The following YJU2B variants were observed in gnomAD, a reference collection of about 807,000 sequenced individuals.
The protein encoded by YJU2B is YJU2 splicing factor homolog B.
Under a neutral mutation model 38.0 loss-of-function variants are expected in YJU2B, and 18 were observed. That is an observed-to-expected ratio of 0.47 (90% CI 0.33 to 0.70). The LOEUF (loss-of-function observed/expected upper bound fraction) is 0.70, where lower values mean the gene tolerates loss of function less well. YJU2B is among the 30% of genes least tolerant of loss of function. The pLI is 0.02. For synonymous variants in YJU2B, 246 were observed against 225.4 expected (o/e 1.09, Z -0.82); for missense variants, 538 against 556.3 (o/e 0.97, Z 0.33).
chr19:13,751,557 G>A, intron 1 of YJU2B, 51 bp from the exon 2 acceptor site: 5 of 524,752 alleles, frequency 9.5e-6, no homozygotes, highest in South Asian at 2.6e-5. Flanking sequence ...AGTGTCAGAT[G>A]TGATGCGTAT....
At chr19:13,743,293 A>T (rs2145098950), upstream of YJU2B, among the ~76,000 whole-genome samples, 1 of 152,360 alleles carries the variant, frequency 6.6e-6, no homozygotes, top group South Asian at 2.1e-4. Context: ...AGATTTAAAC[A>T]TCTAGGCAGG....
upstream of YJU2B, among the ~76,000 whole-genome samples, chr19:13,746,906 C>T (rs1477929974): frequency 7.0e-6 from 1 of 142,324 alleles, no homozygotes; most frequent in African/African-American, 2.6e-5. Flanking sequence ...GACTCCCTCT[C>T]AAAAAAAAAA....
intron 4 of YJU2B, among the ~76,000 whole-genome samples, chr19:13,757,089 C>T (rs1010579682): frequency 2.6e-5 from 4 of 151,872 alleles, no homozygotes; most frequent in Non-Finnish European, 4.4e-5. Flanking sequence ...TGCAGTGAGC[C>T]AGGATCGCAC....
rs760550949 is a variant in YJU2B, at chr19:13,762,954, G to A, written c.1077G>A (p.Lys359=). 1 of 1,611,966 alleles carries A rather than the reference G, an allele frequency of 6.2e-7. No homozygotes were observed. The highest frequency in any genetic ancestry group is 8.5e-7 in the Non-Finnish European group (1 of 1,179,674). ...GGCAGGAAGGGAGCCGTCAGGACAA[G>A]CCCCTGTCGCCAGCAGGCTCCTCCC... ...PRGQEGSRQD[K]PLSPAGSSQE... The change falls in exon 10 of 10, where the codon AAG becomes AAA. Residue 359 remains lysine (K), a synonymous_variant. Coordinates refer to ENST00000221554, the MANE Select transcript of YJU2B (RefSeq NM_030818.4).
chr19:13,759,647 CAGT>C (rs1421102949), intron 8 of YJU2B: 1 of 152,496 alleles, frequency 6.6e-6, no homozygotes, highest in Non-Finnish European at 1.4e-5. Context: ...TGTTTTGAGA[CAGT>C]AGTCATCTCG....
intron 2 of YJU2B, chr19:13,732,470 G>A (rs1371818061): frequency 6.6e-6 from 1 of 151,854 alleles, no homozygotes; most frequent in Non-Finnish European, 1.5e-5. Context: ...TGACAGGCCT[G>A]GTGGCCCAAG....
intron 6 of YJU2B, among the ~76,000 whole-genome samples, chr19:13,758,428 A>C (rs902786654): frequency 7.2e-5 from 11 of 152,210 alleles, no homozygotes; most frequent in Admixed American, 7.2e-4. Flanking sequence ...TTGTTGAATA[A>C]ATGAACTAGT....
At chr19:13,754,952 G>C (rs1973607095) in intron 3 of YJU2B, among the ~76,000 whole-genome samples, 1 of 152,094 alleles carries the variant, frequency 6.6e-6, no homozygotes, top group African/African-American at 2.4e-5. Flanking sequence ...CTCGTCCTGA[G>C]TATAGGATTT....
chr19:13,740,352 C>A lies in YJU2B; in HGVS notation c.-202+8067C>A, dbSNP rs1019948435. Among the ~76,000 whole-genome samples the A allele has an allele frequency of 2.6e-5, 4 of 152,008 alleles. No individual in the cohort carries two copies. In the East Asian group the frequency reaches 7.7e-4, roughly 29 times the overall value. ...TCAGCCTCTTGAGTAGCTTGGACTA[C>A]AGGCACGTGCCACTATGCCTGGCTA... On this transcript the variant is annotated intron_variant, in intron 2 of 10. Transcript: ENST00000586600.
At chr19:13,734,074 T>C (rs1367678078) in intron 2 of YJU2B, among the ~76,000 whole-genome samples, 2 of 152,052 alleles carry the variant, frequency 1.3e-5, no homozygotes, top group African/African-American at 4.8e-5. Context: ...ACTATAGGCA[T>C]GCACCACCCT....
rs1361255717 is a variant in YJU2B at position 13,758,901 on chromosome 19, C to T, written c.291C>T (p.Tyr97=). ...TGAAATGCCACCTCTGTGTCAACTA[C>T]ATCGAGATGCAGACGGACCCCGCCA... ...FRMKCHLCVN[Y]IEMQTDPANC... is the part of the protein sequence containing the mutation. The change falls in exon 7 of 10, where the codon TAC becomes TAT. Residue 97 remains tyrosine, a synonymous_variant. Coordinates refer to ENST00000221554, the MANE Select transcript of YJU2B (RefSeq NM_030818.4). 6.2e-7 allele frequency: 1 copy of T among 1,613,860 alleles called. No individual in the cohort carries two copies.
At position 13,762,757 on chromosome 19, in the gene YJU2B, G is replaced by C; in HGVS notation, c.880G>C (p.Gly294Arg). The C allele has an allele frequency of 6.2e-7, 1 of 1,607,056 alleles. No individual in the cohort carries two copies. The highest frequency in any genetic ancestry group is 8.5e-7 in the Non-Finnish European group (1 of 1,178,184). ...CTCCCCCATCACCGTCGGGGACCTGGGCATCGTGCGGCGGAGGTCTCGGGA... is the reference window on the plus strand; with the variant it reads ...CTCCCCCATCACCGTCGGGGACCTGCGCATCGTGCGGCGGAGGTCTCGGGA... ...ATSPITVGDL[G>R]IVRRRSRDVP... is the part of the protein sequence containing the mutation. Residue 294 changes from glycine to arginine, a missense_variant, in exon 10 of 10, where the codon GGC (glycine) becomes CGC (arginine). Gly to Arg is a moderately radical substitution (Grantham distance 125). This residue lies in a region of YJU2B where 488 missense variants were observed against 469.5 expected (regional missense o/e 1.04). Transcript: ENST00000221554.
rs533066750 is a variant in YJU2B at position 13,735,781 on chromosome 19, G to A, written c.-202+3496G>A. 4.6e-5 allele frequency among the ~76,000 whole-genome samples: 7 copies of A among 152,226 alleles called. No homozygotes were observed. The East Asian group carries it at 7.7e-4, about 17-fold the overall frequency. On this transcript the variant is annotated intron_variant, in intron 2 of 10. Coordinates refer to the YJU2B transcript ENST00000586600. ...AAACTGGCCTCTTGCGGCCGGGTGC[G>A]GTGGCTCACGCCTGTAATCCCAGCA...
intron 2 of YJU2B, among the ~76,000 whole-genome samples, chr19:13,753,870 CG>C (rs1973565086): frequency 6.6e-6 from 1 of 151,942 alleles, no homozygotes; most frequent in Non-Finnish European, 1.5e-5. Flanking sequence ...TCCCATGACA[CG>C]TGGGGATTAT....
intron 2 of YJU2B, among the ~76,000 whole-genome samples, chr19:13,739,927 G>C (rs1034075602): frequency 9.2e-5 from 14 of 152,080 alleles, no homozygotes; most frequent in African/African-American, 3.4e-4. Context: ...GCCCCAGTGT[G>C]TGATGTTCCC....
intron 1 of YJU2B, among the ~76,000 whole-genome samples, chr19:13,749,719 G>A (rs551897878): frequency 1.4e-5 from 2 of 146,070 alleles, no homozygotes; most frequent in Admixed American, 1.4e-4. Context: ...TGCAAGCTCC[G>A]CCTCCCGGGT....
chr19:13,736,235 C>A (rs1427504713), intron 2 of YJU2B, among the ~76,000 whole-genome samples: 1 of 150,126 alleles, frequency 6.7e-6, no homozygotes, highest in Non-Finnish European at 1.5e-5. Context: ...CTAGAGCATC[C>A]ACCTGCTTTT....
In YJU2B at chr19:13,759,263, A is replaced by C; in HGVS notation, c.564A>C (p.Arg188Ser). The C allele has an allele frequency of 6.2e-7, 1 of 1,607,100 alleles. No individual in the cohort carries two copies. The highest frequency in any genetic ancestry group is 8.5e-7 in the Non-Finnish European group (1 of 1,176,416). Residue 188 changes from arginine to serine, a missense_variant, in exon 8 of 10, where the codon AGA becomes AGC. Physicochemically the swap from Arg to Ser is moderately radical, Grantham distance 110. Coordinates refer to ENST00000221554, the MANE Select transcript of YJU2B (RefSeq NM_030818.4). Reference sequence around the variant, plus strand: ...TCGCCCTCAACAGCATGCTGCGGAGAAGGTTCCGGGTGAGGGGGGCTCCAG... The same window carrying C: ...TCGCCCTCAACAGCATGCTGCGGAGCAGGTTCCGGGTGAGGGGGGCTCCAG... ...DDFALNSMLR[R>S]RFREKKKAIQ...
At chr19:13,758,283 C>T (rs1415447476) in intron 6 of YJU2B, among the ~76,000 whole-genome samples, 1 of 152,212 alleles carries the variant, frequency 6.6e-6, no homozygotes, top group Admixed American at 6.5e-5. Flanking sequence ...ACACTGGTTG[C>T]TTGTGCCCTT....
Sources: allele counts gnomAD v4.1 joint callset (sites outside exome capture counted in the v4.1 genomes callset), GRCh38; gene constraint gnomAD v4.1.1; regional missense constraint gnomAD v4.1.1; transcripts MANE v1.5; gene names NCBI Gene and HGNC (gene_info 2026-07-23, HGNC 2026-07-21).